ADAMTS19: variants seen among roughly 807,000 people sequenced by gnomAD.
ADAMTS19 encodes ADAM metallopeptidase with thrombospondin type 1 motif 19, also known as A disintegrin and metalloproteinase with thrombospondin motifs 19.
A neutral mutation model predicts 153.3 loss-of-function variants in ADAMTS19; 93 were observed. The observed-to-expected ratio is 0.61, with a 90% confidence interval of 0.51 to 0.72. The LOEUF (loss-of-function observed/expected upper bound fraction) is 0.72. Ranked by LOEUF, ADAMTS19 falls within the 30% of genes least tolerant of loss-of-function variation. ADAMTS19 has a pLI of 0.00. For synonymous variants in ADAMTS19, 600 were observed against 556.6 expected (o/e 1.08, Z -1.10); for missense variants, 1,482 against 1,552.1 (o/e 0.95, Z 0.76).
intron 20 of ADAMTS19, among the ~76,000 whole-genome samples, chr5:129,702,971 T>TATATATATATATAC (rs1389589629): frequency 2.9e-4 from 38 of 129,772 alleles, no homozygotes; most frequent in Middle Eastern, 3.9e-3. Context: ...TATATATATA[T>TATATATATATATAC]ACAAATACAT....
intron 2 of ADAMTS19, among the ~76,000 whole-genome samples, chr5:129,462,757 T>G (rs1170862005): frequency 6.6e-6 from 1 of 152,240 alleles, no homozygotes; most frequent in Non-Finnish European, 1.5e-5. Context: ...TAGGCTTTAC[T>G]ATTAATTGGT....
intron 7 of ADAMTS19, among the ~76,000 whole-genome samples, chr5:129,569,099 T>C (rs1753809171): frequency 6.6e-6 from 1 of 151,732 alleles, no homozygotes; most frequent in Non-Finnish European, 1.5e-5. Flanking sequence ...AATACACAGG[T>C]TAAGAGTAAA....
chr5:129,624,547 G>A (rs532758076), intron 10 of ADAMTS19, among the ~76,000 whole-genome samples: 28 of 152,254 alleles, frequency 1.8e-4, no homozygotes, highest in African/African-American at 6.5e-4. Flanking sequence ...GACAGTTTCA[G>A]TTCATGTGGT....
intron 16 of ADAMTS19, among the ~76,000 whole-genome samples, chr5:129,677,087 C>A (rs897624603): frequency 6.6e-6 from 1 of 152,078 alleles, no homozygotes; most frequent in African/African-American, 2.4e-5. Flanking sequence ...AATAATTTAC[C>A]TTTTAGGAAA....
intron 10 of ADAMTS19, among the ~76,000 whole-genome samples, chr5:129,630,649 G>A (rs912354506): frequency 2.0e-5 from 3 of 151,782 alleles, no homozygotes; most frequent in Non-Finnish European, 4.4e-5. Context: ...AAACTTCAGG[G>A]AAAAAGGTAG....
rs149937163 is a variant in ADAMTS19, at chr5:129,504,958, G to A, written c.748-4119G>A. Reference sequence around the variant, plus strand: ...GACACTTAGGTTGATTCCACATATCGACTGTTGTTAATAGTGGTGCAATAA... The same window carrying A: ...GACACTTAGGTTGATTCCACATATCAACTGTTGTTAATAGTGGTGCAATAA... On this transcript the variant is annotated intron_variant, in intron 2 of 22. Coordinates refer to ENST00000274487, the MANE Select transcript of ADAMTS19 (RefSeq NM_133638.6). Among the ~76,000 whole-genome samples the A allele has an allele frequency of 2.7e-3, 402 of 151,144 alleles. 1 individual carries two copies. Among genetic ancestry groups the A allele is most frequent in the Middle Eastern group, 0.024 (7 of 294 alleles).
chr5:129,717,976 C>T (rs912327285), intron 21 of ADAMTS19, among the ~76,000 whole-genome samples: 2 of 152,068 alleles, frequency 1.3e-5, no homozygotes, highest in Non-Finnish European at 2.9e-5. Flanking sequence ...AAAAAGTTCT[C>T]TCTGGTGGGA....
At chr5:129,528,450 GT>G (rs1367600468) in intron 5 of ADAMTS19, 69 bp from the exon 6 acceptor site, 4 of 1,080,294 alleles carry the variant, frequency 3.7e-6, no homozygotes, top group Middle Eastern at 2.8e-4. Flanking sequence ...CTTTGTTATT[GT>G]TGTTGTTGTT....
chr5:129,693,980 C>A (rs1755446859), intron 18 of ADAMTS19, among the ~76,000 whole-genome samples: 2 of 152,102 alleles, frequency 1.3e-5, no homozygotes, highest in African/African-American at 4.8e-5. Flanking sequence ...TATTATAAAG[C>A]ACTAATGATG....
chr5:129,490,893 A>G (rs1044899230), intron 2 of ADAMTS19, among the ~76,000 whole-genome samples: 4 of 152,042 alleles, frequency 2.6e-5, no homozygotes, highest in Non-Finnish European at 4.4e-5. Context: ...TGCACTGCCA[A>G]TTTTGTACTC....
At chr5:129,473,966 G>A (rs1750145160) in intron 2 of ADAMTS19, among the ~76,000 whole-genome samples, 1 of 151,990 alleles carries the variant, frequency 6.6e-6, no homozygotes, top group Non-Finnish European at 1.5e-5. Flanking sequence ...ATAAAATTCA[G>A]TGTTTTTTAG....
chr5:129,610,089 GGTATT>G (rs1751122241), intron 8 of ADAMTS19, among the ~76,000 whole-genome samples: 1 of 45,240 alleles, frequency 2.2e-5, no homozygotes, highest in Non-Finnish European at 5.5e-5. Flanking sequence ...TCTAGGTAGT[GGTATT>G]ATATATATAT....
chr5:129,669,709 A>G (rs1365898159), intron 16 of ADAMTS19, among the ~76,000 whole-genome samples: 1 of 151,898 alleles, frequency 6.6e-6, no homozygotes, highest in African/African-American at 2.4e-5. Flanking sequence ...AAGAGTTTAT[A>G]GGTATACATT....
intron 16 of ADAMTS19, among the ~76,000 whole-genome samples, chr5:129,672,807 TCTA>T (rs1561641152): frequency 1.4e-5 from 1 of 71,148 alleles, no homozygotes; most frequent in African/African-American, 4.8e-5. Context: ...CAAGTCCAAA[TCTA>T]CACACACACA....
At chr5:129,508,272 G>T (rs2126723835) in intron 2 of ADAMTS19, among the ~76,000 whole-genome samples, 1 of 152,014 alleles carries the variant, frequency 6.6e-6, no homozygotes, top group African/African-American at 2.4e-5. Flanking sequence ...TAATTATACA[G>T]AGTTAAATAC....
At chr5:129,617,832 C>G (rs534862169) in intron 8 of ADAMTS19, among the ~76,000 whole-genome samples, 2 of 151,792 alleles carry the variant, frequency 1.3e-5, no homozygotes. Flanking sequence ...ACACTTTCAC[C>G]AAAGAAAGCA....
At chr5:129,522,330 CACATAT>C (rs1282673504) in intron 3 of ADAMTS19, among the ~76,000 whole-genome samples, 4 of 70,972 alleles carry the variant, frequency 5.6e-5, no homozygotes, top group African/African-American at 2.1e-4. Flanking sequence ...CACACACACA[CACATAT>C]ATATATATAT....
chr5:129,731,436 T>C (rs1757440257), intron 21 of ADAMTS19, among the ~76,000 whole-genome samples: 1 of 152,070 alleles, frequency 6.6e-6, no homozygotes, highest in Non-Finnish European at 1.5e-5. Context: ...AGCCTGGATA[T>C]AGTGGGATAC....
intron 2 of ADAMTS19, among the ~76,000 whole-genome samples, chr5:129,481,426 G>C (rs1580992500): frequency 6.6e-6 from 1 of 152,060 alleles, no homozygotes; most frequent in Non-Finnish European, 1.5e-5. Flanking sequence ...GATGAGATTT[G>C]GGTGGAGACA....
Sources: allele counts gnomAD v4.1 joint callset (sites outside exome capture counted in the v4.1 genomes callset), GRCh38; gene constraint gnomAD v4.1.1; transcripts MANE v1.5; gene names NCBI Gene and HGNC (gene_info 2026-07-23, HGNC 2026-07-21).